Variants in PIK3CB observed in about 807,000 individuals in gnomAD.
PIK3CB encodes phosphatidylinositol 4,5-bisphosphate 3-kinase catalytic subunit beta isoform.
A neutral mutation model predicts 136.8 loss-of-function variants in PIK3CB; 39 were observed. The ratio of observed to expected loss-of-function variants is 0.29; its 90% CI spans 0.22 to 0.37. The LOEUF (loss-of-function observed/expected upper bound fraction) is 0.37, where lower values mean the gene tolerates loss of function less well. PIK3CB is among the 10% of genes least tolerant of loss of function. The pLI, the probability that PIK3CB is intolerant of heterozygous loss-of-function variation, is 1.00. For synonymous variants in PIK3CB, 428 were observed against 436.6 expected, an observed-to-expected ratio of 0.98 and a Z score of 0.25; for missense variants, 868 against 1,275.4, an observed-to-expected ratio of 0.68 and a Z score of 4.87.
chr3:138,800,808 A>G (rs2046165673), intron 1 of PIK3CB, among the ~76,000 whole-genome samples: 1 of 151,750 alleles, frequency 6.6e-6, no homozygotes, highest in Non-Finnish European at 1.5e-5. Flanking sequence ...TAGTTTTAGT[A>G]GAGATGGGTT....
intron 21 of PIK3CB, among the ~76,000 whole-genome samples, chr3:138,658,583 A>C (rs1359162509): frequency 6.6e-6 from 1 of 152,172 alleles, no homozygotes; most frequent in Non-Finnish European, 1.5e-5. Context: ...TTTTCTAAAT[A>C]ATATGTTTAT....
intron 4 of PIK3CB, among the ~76,000 whole-genome samples, chr3:138,746,436 G>A (rs1030221204): frequency 4.6e-5 from 7 of 152,034 alleles, no homozygotes; most frequent in African/African-American, 1.2e-4. Flanking sequence ...CGAGGAGGGC[G>A]GATCACGAGG....
chr3:138,750,384 A>C (rs1332431765), intron 4 of PIK3CB, among the ~76,000 whole-genome samples: 1 of 152,168 alleles, frequency 6.6e-6, no homozygotes. Context: ...TTTTGGGATG[A>C]AACTGTTCCA....
At chr3:138,705,855 T>C (rs889574062) in intron 11 of PIK3CB, among the ~76,000 whole-genome samples, 1 of 152,154 alleles carries the variant, frequency 6.6e-6, no homozygotes, top group African/African-American at 2.4e-5. Context: ...TGGGCTAAAG[T>C]AGTCCTCCTA....
chr3:138,757,474 ATTAAAC>A (rs1355840154), intron 3 of PIK3CB, among the ~76,000 whole-genome samples: 1 of 117,556 alleles, frequency 8.5e-6, no homozygotes, highest in East Asian at 2.6e-4. Flanking sequence ...GATGGATACT[ATTAAAC>A]ACACACACAC....
At chr3:138,665,497 C>CA (rs1457331101) in intron 19 of PIK3CB, among the ~76,000 whole-genome samples, 2 of 152,248 alleles carry the variant, frequency 1.3e-5, no homozygotes, top group Admixed American at 6.5e-5. Flanking sequence ...TACATTGGAT[C>CA]AAAGTCTTTC....
In PIK3CB at chr3:138,688,950, G is replaced by A. The variant is rs2043952299; in HGVS notation, c.2061C>T (p.Val687=). The part of the protein sequence containing the change: ...HLRSEVHIPA[V]SVQFGVILEA... Reference sequence around the variant, plus strand: ...CAAGGATGACACCAAATTGTACTGAGACAGCAGGAATGTGCACTTCTGACC... The same window carrying A: ...CAAGGATGACACCAAATTGTACTGAAACAGCAGGAATGTGCACTTCTGACC... Residue 687 remains valine (V), a synonymous_variant, in exon 16 of 24, where the codon GTC becomes GTT. Coordinates refer to ENST00000674063, the MANE Select transcript of PIK3CB (RefSeq NM_006219.3). 6.2e-7 allele frequency: 1 copy of A among 1,613,444 alleles called. No individual in the cohort carries two copies. Among genetic ancestry groups the A allele is most frequent in the Non-Finnish European group, 8.5e-7 (1 of 1,179,380 alleles).
chr3:138,767,091 T>C (rs1302448805), intron 2 of PIK3CB, among the ~76,000 whole-genome samples: 3 of 151,980 alleles, frequency 2.0e-5, no homozygotes, highest in East Asian at 3.9e-4. Flanking sequence ...GGAGAATCGA[T>C]TGAACCTGGG....
At chr3:138,738,118 C>A (rs1240097518) in intron 5 of PIK3CB, among the ~76,000 whole-genome samples, 2 of 151,896 alleles carry the variant, frequency 1.3e-5, no homozygotes, top group African/African-American at 4.8e-5. Context: ...ACAGCTTCCA[C>A]AGGTAAGATT....
At chr3:138,744,201 T>G (rs1206908755) in intron 4 of PIK3CB, among the ~76,000 whole-genome samples, 4 of 150,870 alleles carry the variant, frequency 2.7e-5, no homozygotes, top group Non-Finnish European at 5.9e-5. Context: ...AGACCAGCCT[T>G]ACCAACATGG....
At chr3:138,709,285 A>C (rs907417672) in intron 10 of PIK3CB, among the ~76,000 whole-genome samples, 1 of 150,490 alleles carries the variant, frequency 6.6e-6, no homozygotes, top group Non-Finnish European at 1.5e-5. Context: ...ATCAGAACAC[A>C]ATTCTGCTTA....
intron 4 of PIK3CB, among the ~76,000 whole-genome samples, chr3:138,753,247 G>A (rs554678912): frequency 2.0e-5 from 3 of 152,170 alleles, no homozygotes; most frequent in East Asian, 1.9e-4. Flanking sequence ...ACAGCTGGGC[G>A]CAGTGGTTCA....
rs751430590 is a variant in PIK3CB, at chr3:138,742,675, C to G, written c.504G>C (p.Trp168Cys). Residue 168 changes from tryptophan (W) to cysteine (C), a missense_variant, in exon 5 of 24, where the codon TGG (tryptophan) becomes TGC (cysteine). Transcript: ENST00000674063. ...EKILSLVGLS[W>C]MDWLKQTYPP... ...GATATGTTTGTTTTAGCCAGTCCAT[C>G]CAAGACAATCCCACAAGTGACAGGA... The G allele has an allele frequency of 1.2e-6, 2 of 1,612,266 alleles. No homozygotes were observed.
At position 138,694,913 on chromosome 3, in the gene PIK3CB, T is replaced by G. The variant is rs1210146944; in HGVS notation, c.1771-6A>C. 1.3e-6 allele frequency: 2 copies of G among 1,588,262 alleles called. No individual in the cohort carries two copies. The highest frequency in any genetic ancestry group is 2.7e-5 in the African/African-American group (2 of 73,152). ...ATCTGAAGCAGCGCCTGAAGCTGTT[T>G]AAAAAATGAAACTGGTTCAGAAATA... On this transcript the variant is annotated splice_region_variant and splice_polypyrimidine_tract_variant and intron_variant, in intron 13 of 23. Coordinates refer to ENST00000674063, the MANE Select transcript of PIK3CB (RefSeq NM_006219.3).
intron 18 of PIK3CB, among the ~76,000 whole-genome samples, 171 bp downstream of exon 18, chr3:138,683,507 G>A (rs932829150): frequency 6.6e-6 from 1 of 151,586 alleles, no homozygotes; most frequent in African/African-American, 2.4e-5. Flanking sequence ...TATAAGAGGG[G>A]GAAAAAAAAA....
At chr3:138,705,388 T>TAAA (rs1419644782) in intron 11 of PIK3CB, among the ~76,000 whole-genome samples, 1 of 151,898 alleles carries the variant, frequency 6.6e-6, no homozygotes, top group Non-Finnish European at 1.5e-5. Flanking sequence ...AAGGAATAAC[T>TAAA]AAAGACACTA....
intron 1 of PIK3CB, among the ~76,000 whole-genome samples, chr3:138,829,457 G>A (rs1359552892): frequency 4.6e-5 from 7 of 152,110 alleles, no homozygotes; most frequent in Admixed American, 3.3e-4. Flanking sequence ...TAGTGGAAAT[G>A]AAAATAAACA....
At chr3:138,759,025 C>G in intron 3 of PIK3CB, 148 bp downstream of exon 3, 1 of 469,128 alleles carries the variant, frequency 2.1e-6, no homozygotes, top group Non-Finnish European at 3.7e-6. Context: ...TTCAAACTAG[C>G]TAACATAAAC....
chr3:138,719,429 A>T (rs2044681396), intron 8 of PIK3CB, among the ~76,000 whole-genome samples: 1 of 151,742 alleles, frequency 6.6e-6, no homozygotes, highest in African/African-American at 2.4e-5. Context: ...TATTTTTAGT[A>T]AAGACAGGGT....
Sources: gnomAD v4.1 joint callset for allele counts (sites outside exome capture counted in the v4.1 genomes callset) on GRCh38, gnomAD v4.1.1 for gene constraint, MANE v1.5 for transcripts, NCBI Gene and HGNC (gene_info 2026-07-23, HGNC 2026-07-21) for gene names.